The following DENND3 variants were observed in gnomAD, a reference collection of about 807,000 sequenced individuals.
The protein encoded by DENND3 is DENN domain containing 3.
DENND3 carries 88 observed loss-of-function variants against 135.1 expected under a neutral mutation model. The ratio of observed to expected loss-of-function variants is 0.65; its 90% CI spans 0.55 to 0.78. The LOEUF (loss-of-function observed/expected upper bound fraction) is 0.78, where lower values mean the gene tolerates loss of function less well. Among genes scored for constraint, DENND3 ranks in the 30% least tolerant of loss-of-function variants. The pLI, the probability that DENND3 is intolerant of heterozygous loss-of-function variation, is 0.00. For missense variants in DENND3, 1,392 were observed against 1,688.4 expected, an observed-to-expected ratio of 0.82 and a Z score of 3.08; for synonymous variants, 693 against 712.3, an observed-to-expected ratio of 0.97 and a Z score of 0.43.
At chr8:141,159,724 T>C (rs1458087192) in intron 8 of DENND3, among the ~76,000 whole-genome samples, 1 of 152,226 alleles carries the variant, frequency 6.6e-6, no homozygotes, top group African/African-American at 2.4e-5. Flanking sequence ...TTTTGTATAT[T>C]TCTAACGTCC....
intron 20 of DENND3, 98 bp from the exon 21 acceptor site, chr8:141,192,233 T>C: frequency 6.6e-7 from 1 of 1,521,360 alleles, no homozygotes; most frequent in Middle Eastern, 2.1e-4. Flanking sequence ...ATCCCCCCCA[T>C]CACCACGCTG....
Position 141,176,772 on chromosome 8 carries a change from C to T in DENND3, c.2706+11C>T, listed in dbSNP as rs760381559. ...GCCGATGACCACAAGGTGGGAGACG[C>T]GGGTCCCCTCTGCCCTTTGCTGTGG... On this transcript the variant is annotated intron_variant, in intron 15 of 22. Transcript: ENST00000519811. 3.4e-5 allele frequency: 54 copies of T among 1,610,900 alleles called. 1 individual carries two copies. In the South Asian group the frequency reaches 4.8e-4, roughly 14 times the overall value.
At chr8:141,157,097 T>C (rs1819536701) in intron 8 of DENND3, among the ~76,000 whole-genome samples, 1 of 152,152 alleles carries the variant, frequency 6.6e-6, no homozygotes, top group African/African-American at 2.4e-5. Context: ...CTTAATTTTT[T>C]CACACCGTTT....
At position 141,166,459 on chromosome 8, in the gene DENND3, A is replaced by G; in HGVS notation, c.1753+70A>G. Reference sequence around the variant, plus strand: ...TTCCTGCACCTGCAAGTCATTGAGCAAAACTGGGACTTGTTTCAGGAGAGA... The same window carrying G: ...TTCCTGCACCTGCAAGTCATTGAGCGAAACTGGGACTTGTTTCAGGAGAGA... On this transcript the variant is annotated intron_variant, in intron 12 of 22. Transcript: ENST00000519811. This position sits in a 1 kb window ranked among gnomAD's most constrained non-coding sequence, Gnocchi z 4.3. 1 of 1,504,936 alleles carries G rather than the reference A, an allele frequency of 6.6e-7. No individual in the cohort carries two copies. The highest frequency in any genetic ancestry group is 8.9e-7 in the Non-Finnish European group (1 of 1,118,214). The allele number at this position is 1,504,936 out of a possible 1,614,324, so 93.2% of individuals were successfully genotyped here. A position where few individuals can be genotyped will look rare whatever the true frequency, so the allele number is the denominator to read the frequency against.
In DENND3 at chr8:141,130,282, C is replaced by T. The variant is rs1815847684; in HGVS notation, c.102+1473C>T. On this transcript the variant is annotated intron_variant, in intron 1 of 22. Transcript: ENST00000519811. This position sits in a 1 kb window ranked among gnomAD's most constrained non-coding sequence, Gnocchi z 4.2. ...AGGAGGTCTCACTGTGTTGCCCAGACTCATCTCCAATTCCTGAGCTCAAGT... is the reference window on the plus strand; with the variant it reads ...AGGAGGTCTCACTGTGTTGCCCAGATTCATCTCCAATTCCTGAGCTCAAGT... 2.0e-5 allele frequency among the ~76,000 whole-genome samples: 3 copies of T among 152,060 alleles called. No homozygotes were observed. Among genetic ancestry groups the T allele is most frequent in the Admixed American group, 2.0e-4 (3 of 15,264 alleles).
In DENND3 at chr8:141,189,480, C is replaced by T. The variant is rs542183833; in HGVS notation, c.3245+334C>T. Among the ~76,000 whole-genome samples the T allele has an allele frequency of 1.6e-3, 242 of 152,318 alleles. 3 individuals carry two copies. Among genetic ancestry groups the T allele is most frequent in the Non-Finnish European group, 1.7e-3 (115 of 68,022 alleles). ...AGCCATGGTGTCAGAAGCCTGGACT[C>T]GCCTGATAATCGCCTGAGTGCTCAG... On this transcript the variant is annotated intron_variant, in intron 19 of 22. Coordinates refer to ENST00000519811, the MANE Select transcript of DENND3 (RefSeq NM_001352890.3).
chr8:141,188,093 G>GCATCAGCCAGGCGTGGTGA (rs1350171390), intron 18 of DENND3, among the ~76,000 whole-genome samples: 3 of 152,170 alleles, frequency 2.0e-5, no homozygotes, highest in East Asian at 1.9e-4. Flanking sequence ...AGGCGTGGTG[G>GCATCAGCCAGGCGTGGTGA]CCCATGGCTG....
Position 141,165,226 on chromosome 8 carries a change from G to A in DENND3, c.1490G>A (p.Arg497Gln), listed in dbSNP as rs1044868766. Residue 497 changes from arginine to glutamine, a missense_variant, in exon 11 of 23, where the codon CGG (arginine) becomes CAG (glutamine). By Grantham distance (43) the Arg-to-Gln change is conservative. Transcript: ENST00000519811. ...ATGTTCCATTCTTTTCTTAAAGCCC[G>A]GCTCAATAGGAGGATGGACGCCTTT... Reference protein sequence around the residue: ...TYMFHSFLKARLNRRMDAFAQ... With the variant: ...TYMFHSFLKAQLNRRMDAFAQ... 5 of 1,614,096 alleles carry A rather than the reference G, an allele frequency of 3.1e-6. No homozygotes were observed. The highest frequency in any genetic ancestry group is 3.4e-6 in the Non-Finnish European group (4 of 1,179,994).
intron 8 of DENND3, among the ~76,000 whole-genome samples, chr8:141,156,754 G>T (rs536993016): frequency 6.6e-6 from 1 of 150,896 alleles, no homozygotes; most frequent in Non-Finnish European, 1.5e-5. Context: ...TTTCACTCCC[G>T]CCACTGTATT....
rs1821068565 is a variant in DENND3 at position 141,168,330 on chromosome 8, G to T, written c.2080G>T (p.Ala694Ser). Residue 694 changes from alanine (A) to serine (S), a missense_variant, in exon 13 of 23, where the codon GCG (alanine) becomes TCG (serine). Ala to Ser is a moderately conservative substitution (Grantham distance 99). Transcript: ENST00000519811. This position sits in a 1 kb window ranked among gnomAD's most constrained non-coding sequence, Gnocchi z 6.2. ...SAPEWEGAEQAPELMRLISEI... is the reference protein window; with the variant it reads ...SAPEWEGAEQSPELMRLISEI... ...CCCTGAGTGGGAGGGGGCTGAGCAG[G>T]CGCCGGAGCTGATGAGGCTCATCAG... is the stretch of plus-strand genomic sequence containing the variant. The T allele has an allele frequency of 2.5e-6, 4 of 1,613,964 alleles. No homozygotes were observed. The East Asian group carries it at 6.7e-5, about 27-fold the overall frequency.
At position 141,168,124 on chromosome 8, in the gene DENND3, T is replaced by C. The variant is rs777250953; in HGVS notation, c.1874T>C (p.Met625Thr). Residue 625 changes from methionine (M) to threonine (T), a missense_variant, in exon 13 of 23, where the codon ATG (methionine) becomes ACG (threonine). Coordinates refer to ENST00000519811, the MANE Select transcript of DENND3 (RefSeq NM_001352890.3). This position sits in a 1 kb window ranked among gnomAD's most constrained non-coding sequence, Gnocchi z 6.2. Reference sequence around the variant, plus strand: ...TTTGTCTCCATGCTGAGCGAGGCCATGTGCTTTCTGGCCCCCGATAACTCT... The same window carrying C: ...TTTGTCTCCATGCTGAGCGAGGCCACGTGCTTTCTGGCCCCCGATAACTCT... ...AHFVSMLSEA[M>T]CFLAPDNSLL... 2.5e-6 allele frequency: 4 copies of C among 1,614,200 alleles called. No homozygotes were observed. The highest frequency in any genetic ancestry group is 3.3e-4 in the Middle Eastern group (2 of 6,054).
chr8:141,136,452 A>T lies in DENND3; in HGVS notation c.103-57A>T. The T allele has an allele frequency of 4.1e-6, 6 of 1,467,644 alleles. No individual in the cohort carries two copies. The South Asian group carries it at 5.4e-5, about 13-fold the overall frequency. 90.9% of individuals were successfully genotyped at this position (1,467,644 alleles called of 1,614,324 possible). On this transcript the variant is annotated intron_variant, in intron 1 of 22. Coordinates refer to ENST00000519811, the MANE Select transcript of DENND3 (RefSeq NM_001352890.3). The stretch of plus-strand genomic sequence containing the variant: ...AAGCAGTGAAGCTCAGACAGAAAGG[A>T]TACCCTCGAACAAGAGCTGAGGCTG...
Position 141,144,388 on chromosome 8 carries a change from C to T in DENND3, c.735+129C>T. On this transcript the variant is annotated intron_variant, in intron 5 of 22. Transcript: ENST00000519811. This position sits in a 1 kb window ranked among gnomAD's most constrained non-coding sequence, Gnocchi z 4.4. ...TGTAAACCTAAAATAACATCCTAAC[C>T]CCCCCGCCTCCCCACAGCTGACTGA... 1.1e-6 allele frequency: 1 copy of T among 889,878 alleles called. No individual in the cohort carries two copies. The highest frequency in any genetic ancestry group is 1.6e-6 in the Non-Finnish European group (1 of 617,842). 55.1% of individuals were successfully genotyped at this position (889,878 alleles called of 1,614,324 possible). A position where few individuals can be genotyped will look rare whatever the true frequency, so the allele number is the denominator to read the frequency against.
At chr8:141,156,379 C>T (rs532830476) in intron 8 of DENND3, among the ~76,000 whole-genome samples, 30 of 152,170 alleles carry the variant, frequency 2.0e-4, no homozygotes, top group African/African-American at 5.5e-4. Context: ...TGTGAGCCAC[C>T]GCACCTGGCC....
At chr8:141,140,930 A>T (rs1290788920) in intron 3 of DENND3, among the ~76,000 whole-genome samples, 1 of 152,108 alleles carries the variant, frequency 6.6e-6, no homozygotes, top group African/African-American at 2.4e-5. Context: ...ACTGTGTTCT[A>T]ATCGTGTGTT....
chr8:141,145,055 C>T (rs1418133886), intron 5 of DENND3, among the ~76,000 whole-genome samples: 1 of 152,216 alleles, frequency 6.6e-6, no homozygotes, highest in Admixed American at 6.5e-5. Context: ...GCCTGCCTTC[C>T]TAGGCCTTTG....
rs1302173253 is a variant in DENND3, at chr8:141,155,934, A to C, written c.1160A>C (p.Asp387Ala). The change falls in exon 8 of 23, where the codon GAT becomes GCT. Residue 387 changes from aspartate (D) to alanine (A), a missense_variant. Asp to Ala is a moderately radical substitution (Grantham distance 126). Transcript: ENST00000519811. ...KSTDDNVDIP[D>A]VPLLAAQTFI... Reference sequence around the variant, plus strand: ...ACGGACGATAACGTGGACATTCCTGATGTCCCCCTCCTGGCAGCCCAGACG... The same window carrying C: ...ACGGACGATAACGTGGACATTCCTGCTGTCCCCCTCCTGGCAGCCCAGACG... 3 of 1,612,330 alleles carry C rather than the reference A, an allele frequency of 1.9e-6. No homozygotes were observed. In the Admixed American group the frequency reaches 5.0e-5, roughly 27 times the overall value.
At chr8:141,156,039 G>T in intron 8 of DENND3, 69 bp downstream of exon 8, 2 of 1,489,266 alleles carry the variant, frequency 1.3e-6, no homozygotes, top group African/African-American at 1.4e-5. Context: ...GCCACTTCGA[G>T]TATCTTTTCC....
At chr8:141,163,312 G>A (rs780986134) in intron 9 of DENND3, 21 bp from the exon 10 acceptor site, 2 of 1,469,502 alleles carry the variant, frequency 1.4e-6, no homozygotes, top group Non-Finnish European at 1.9e-6. Flanking sequence ...TTAGCACTCA[G>A]ACTCTCTTTC....
Sources: allele counts gnomAD v4.1 joint callset (sites outside exome capture counted in the v4.1 genomes callset), GRCh38; gene constraint gnomAD v4.1.1; non-coding constraint Gnocchi (gnomAD v3.1); transcripts MANE v1.5; gene names NCBI Gene and HGNC (gene_info 2026-07-23, HGNC 2026-07-21).